The following MYO3A variants were observed in gnomAD, a reference collection of about 807,000 sequenced individuals.
MYO3A encodes myosin-IIIa.
Under a neutral mutation model 192.7 loss-of-function variants are expected in MYO3A, and 180 were observed. The observed-to-expected ratio is 0.93, with a 90% CI of 0.83 to 1.06. The LOEUF (loss-of-function observed/expected upper bound fraction) is 1.06. Ranked by LOEUF, MYO3A falls within the 50% of genes least tolerant of loss-of-function variation. MYO3A has a pLI of 0.00. For missense variants in MYO3A, 1,896 were observed against 1,905.0 expected (o/e 1.00, Z 0.09); for synonymous variants, 628 against 645.3 (o/e 0.97, Z 0.41).
intron 14 of MYO3A, among the ~76,000 whole-genome samples, chr10:26,074,115 T>A (rs763053375): frequency 2.6e-5 from 4 of 152,204 alleles, no homozygotes; most frequent in Non-Finnish European, 5.9e-5. Flanking sequence ...AATTTATGCC[T>A]GTAAAAATTT....
intron 4 of MYO3A, among the ~76,000 whole-genome samples, chr10:25,980,110 G>A (rs1839228529): frequency 6.6e-6 from 1 of 151,954 alleles, no homozygotes; most frequent in African/African-American, 2.4e-5. Flanking sequence ...GGTGGCAGGC[G>A]CCTGTAGTCC....
intron 32 of MYO3A, among the ~76,000 whole-genome samples, chr10:26,197,386 A>T (rs960409850): frequency 1.3e-5 from 2 of 152,168 alleles, no homozygotes; most frequent in African/African-American, 4.8e-5. Flanking sequence ...TAAGACCAGA[A>T]GGGTTAGTTT....
intron 15 of MYO3A, among the ~76,000 whole-genome samples, chr10:26,095,144 CACA>C (rs1034077781): frequency 1.3e-5 from 2 of 152,042 alleles, no homozygotes; most frequent in African/African-American, 4.8e-5. Context: ...GGGGAGTATC[CACA>C]ACAATTTAGT....
rs1166756814 is a variant in MYO3A at position 26,125,425 on chromosome 10, A to T, written c.1931A>T (p.Asp644Val). Residue 644 changes from aspartate (D) to valine (V), a missense_variant, in exon 19 of 35, where the codon GAT (aspartate) becomes GTT (valine). Physicochemically the swap from Asp to Val is radical, Grantham distance 152. Transcript: ENST00000642920. Reference protein sequence around the residue: ...NCASLLCIRADELQEALTSHC... With the variant: ...NCASLLCIRAVELQEALTSHC... Reference sequence around the variant, plus strand: ...GCTTCTTTGCTTTGCATTCGGGCAGATGAGCTACAAGAAGCTCTCACCTCC... The same window carrying T: ...GCTTCTTTGCTTTGCATTCGGGCAGTTGAGCTACAAGAAGCTCTCACCTCC... The T allele has an allele frequency of 6.2e-7, 1 of 1,614,054 alleles. No individual in the cohort carries two copies. The highest frequency in any genetic ancestry group is 8.5e-7 in the Non-Finnish European group (1 of 1,179,934).
chr10:26,121,125 G>A (rs1014391303), intron 18 of MYO3A, among the ~76,000 whole-genome samples: 1 of 151,242 alleles, frequency 6.6e-6, no homozygotes, highest in East Asian at 1.9e-4. Flanking sequence ...TTATGTTATT[G>A]TCTTATAGAT....
intron 14 of MYO3A, among the ~76,000 whole-genome samples, chr10:26,084,301 A>G (rs1277239040): frequency 6.6e-6 from 1 of 152,204 alleles, no homozygotes; most frequent in South Asian, 2.1e-4. Context: ...TTGCTTGGAC[A>G]TGATGTATAA....
chr10:26,093,655 C>A (rs889989025), intron 15 of MYO3A, among the ~76,000 whole-genome samples: 1 of 152,108 alleles, frequency 6.6e-6, no homozygotes. Context: ...AAGATTTGTC[C>A]CTGCAGCTTT....
intron 23 of MYO3A, among the ~76,000 whole-genome samples, chr10:26,148,901 C>T (rs1379446493): frequency 6.6e-6 from 1 of 152,064 alleles, no homozygotes; most frequent in African/African-American, 2.4e-5. Context: ...ATTTTCTTCA[C>T]AGATTGATCA....
chr10:26,173,049 T>A (rs1335331167), intron 29 of MYO3A, among the ~76,000 whole-genome samples: 1 of 140,664 alleles, frequency 7.1e-6, no homozygotes, highest in Non-Finnish European at 1.5e-5. Flanking sequence ...GTTTTGCCTT[T>A]GGCTAGAAAA....
chr10:25,991,565 G>A (rs1012600187), intron 4 of MYO3A, among the ~76,000 whole-genome samples: 2 of 152,084 alleles, frequency 1.3e-5, no homozygotes, highest in African/African-American at 2.4e-5. Flanking sequence ...TGCTTTTGGT[G>A]TTTTAGACAT....
Position 26,058,771 on chromosome 10 carries a change from T to C in MYO3A, c.954-8204T>C, listed in dbSNP as rs998202895. Among the ~76,000 whole-genome samples, 15 of 152,350 alleles carry C rather than the reference T, an allele frequency of 9.8e-5. No homozygotes were observed. The East Asian group carries it at 2.3e-3, about 23-fold the overall frequency. ...TGTTTGGATTTTGCTTGGGATTGCA[T>C]TGAATCTGTAAAGCAGGTTGAAAAG... On this transcript the variant is annotated intron_variant, in intron 10 of 34. Transcript: ENST00000642920.
chr10:26,081,137 C>A (rs895653344), intron 14 of MYO3A, among the ~76,000 whole-genome samples: 1 of 104,844 alleles, frequency 9.5e-6, no homozygotes, highest in African/African-American at 3.1e-5. Flanking sequence ...TGCCCTTCCC[C>A]CCCCCCCCGC....
At position 25,947,369 on chromosome 10, in the gene MYO3A, G is replaced by A. The variant is rs140517684; in HGVS notation, c.-17-4725G>A. On this transcript the variant is annotated intron_variant, in intron 2 of 34. Transcript: ENST00000642920. ...TCTCTGAAAAAAAATGCATAAGATG[G>A]TATTATTTCTTTTCTTTTTCTTTTT... 5.5e-5 allele frequency among the ~76,000 whole-genome samples: 8 copies of A among 145,554 alleles called. No homozygotes were observed. In the East Asian group the frequency reaches 1.6e-3, roughly 29 times the overall value.
At chr10:26,119,038 C>T (rs1588987713) in intron 17 of MYO3A, among the ~76,000 whole-genome samples, 1 of 152,108 alleles carries the variant, frequency 6.6e-6, no homozygotes, top group South Asian at 2.1e-4. Context: ...TTCCAGCCCT[C>T]GTATGTCTTC....
chr10:26,177,911 A>G (rs994881084), intron 31 of MYO3A, among the ~76,000 whole-genome samples: 4 of 152,244 alleles, frequency 2.6e-5, no homozygotes, highest in African/African-American at 7.2e-5. Flanking sequence ...GTTTTCATCA[A>G]TTATTCTGCC....
intron 26 of MYO3A, among the ~76,000 whole-genome samples, chr10:26,165,683 C>G (rs5008479): frequency 0.53 from 79,744 of 151,608 alleles, 21,233 homozygotes; most frequent in Middle Eastern, 0.58. Flanking sequence ...TGTTAACACT[C>G]AATGTGAAAA....
At chr10:26,154,411 C>T (rs1168777456) in intron 24 of MYO3A, among the ~76,000 whole-genome samples, 2 of 152,136 alleles carry the variant, frequency 1.3e-5, no homozygotes, top group Non-Finnish European at 2.9e-5. Context: ...AAGTCCTGAC[C>T]TCAAATGAGC....
rs142289318 is a variant in MYO3A at position 26,120,695 on chromosome 10, G to T, written c.1796G>T (p.Ser599Ile). The T allele has an allele frequency of 1.7e-4, 271 of 1,613,874 alleles. No homozygotes were observed. Among genetic ancestry groups the T allele is most frequent in the Non-Finnish European group, 2.0e-4 (240 of 1,179,984 alleles). ...TTTCAGCAACTTGGTAGTATATACA[G>T]CATACTCGCTGCAATCTTGAATGTT... is the stretch of plus-strand genomic sequence containing the variant. The part of the protein sequence containing the change: ...FTMEQLGSIY[S>I]ILAAILNVGN... The change falls in exon 18 of 35, where the codon AGC becomes ATC. Residue 599 changes from serine to isoleucine, a missense_variant. Coordinates refer to ENST00000642920, the MANE Select transcript of MYO3A (RefSeq NM_017433.5).
chr10:26,102,282 C>T (rs572489816), intron 17 of MYO3A, among the ~76,000 whole-genome samples: 1 of 152,296 alleles, frequency 6.6e-6, no homozygotes, highest in African/African-American at 2.4e-5. Context: ...ACTGTTTATT[C>T]TAGTTAGCCA....
Sources: allele counts gnomAD v4.1 joint callset (sites outside exome capture counted in the v4.1 genomes callset), GRCh38; gene constraint gnomAD v4.1.1; transcripts MANE v1.5; gene names NCBI Gene and HGNC (gene_info 2026-07-23, HGNC 2026-07-21).